BMPR1B: variants seen among roughly 807,000 people sequenced by gnomAD.
The protein encoded by BMPR1B is bone morphogenetic protein receptor type 1B.
Under a neutral mutation model 59.1 loss-of-function variants are expected in BMPR1B, and 12 were observed. The ratio of observed to expected loss-of-function variants is 0.20; its 90% confidence interval spans 0.13 to 0.33. BMPR1B has a LOEUF of 0.33. Ranked by LOEUF, BMPR1B falls within the 10% of genes least tolerant of loss-of-function variation. The pLI is 1.00. For synonymous variants in BMPR1B, 237 were observed against 207.3 expected, an observed-to-expected ratio of 1.14 and a Z score of -1.23; for missense variants, 550 against 610.9, an observed-to-expected ratio of 0.90 and a Z score of 1.05.
intron 3 of BMPR1B, among the ~76,000 whole-genome samples, chr4:95,081,513 A>G (rs540479243): frequency 6.6e-6 from 1 of 152,298 alleles, no homozygotes; most frequent in Non-Finnish European, 1.5e-5. Context: ...TGAAGCTTTT[A>G]TCCACATAAC....
intron 3 of BMPR1B, among the ~76,000 whole-genome samples, chr4:95,034,119 T>C (rs1010693898): frequency 1.3e-5 from 2 of 152,140 alleles, no homozygotes; most frequent in Non-Finnish European, 2.9e-5. Flanking sequence ...GGAGAATCAG[T>C]TAGAAGAGAC....
intron 3 of BMPR1B, among the ~76,000 whole-genome samples, chr4:95,036,128 A>AT (rs1725224544): frequency 6.6e-6 from 1 of 151,982 alleles, no homozygotes; most frequent in Non-Finnish European, 1.5e-5. Context: ...GTGTTCATTG[A>AT]TTTTGGGGAT....
intron 3 of BMPR1B, among the ~76,000 whole-genome samples, chr4:95,047,974 C>A (rs1377361815): frequency 6.6e-6 from 1 of 152,030 alleles, no homozygotes; most frequent in African/African-American, 2.4e-5. Flanking sequence ...CCAGTAGGCC[C>A]CAGTGTCTGT....
intron 2 of BMPR1B, among the ~76,000 whole-genome samples, chr4:94,936,172 G>C (rs1162444695): frequency 1.3e-5 from 2 of 152,136 alleles, no homozygotes; most frequent in African/African-American, 4.8e-5. Context: ...TCTAAATCAA[G>C]TTGAATTTGC....
In BMPR1B at chr4:95,051,740, T is replaced by G. The variant is rs983605701; in HGVS notation, c.-17-52668T>G. The G allele has an allele frequency of 9.1e-6, 14 of 1,535,526 alleles. No homozygotes were observed. The Middle Eastern group carries it at 1.0e-3, about 109-fold the overall frequency. ...GAACTAAACTGGCAGCTTCACATTT[T>G]CTTGCTCATTCTTCTCTCTATGCAC... is the stretch of plus-strand genomic sequence containing the variant. On this transcript the variant is annotated intron_variant, in intron 3 of 12. Coordinates refer to ENST00000515059, the MANE Select transcript of BMPR1B (RefSeq NM_001203.3).
intron 1 of BMPR1B, among the ~76,000 whole-genome samples, chr4:94,796,575 G>A (rs985283082): frequency 2.6e-5 from 4 of 152,046 alleles, no homozygotes; most frequent in Admixed American, 2.6e-4. Flanking sequence ...TCAGGATCAG[G>A]ACTGAATGAA....
At chr4:94,799,852 G>A (rs891287461) in intron 1 of BMPR1B, among the ~76,000 whole-genome samples, 78 of 151,238 alleles carry the variant, frequency 5.2e-4, no homozygotes, top group African/African-American at 1.7e-3. Context: ...CATCACACTC[G>A]GCTAATTTTT....
At chr4:94,784,338 AATATT>A (rs1722688731) in intron 1 of BMPR1B, among the ~76,000 whole-genome samples, 1 of 152,048 alleles carries the variant, frequency 6.6e-6, no homozygotes, top group South Asian at 2.1e-4. Context: ...GAACTTGTAT[AATATT>A]AGGTTTTGTT....
intron 1 of BMPR1B, among the ~76,000 whole-genome samples, chr4:94,810,800 C>T (rs1312010860): frequency 6.6e-6 from 1 of 152,248 alleles, no homozygotes; most frequent in South Asian, 2.1e-4. Flanking sequence ...TGAGTGGCTA[C>T]CTCAGTGTCA....
intron 2 of BMPR1B, among the ~76,000 whole-genome samples, chr4:94,890,419 A>G (rs1478914988): frequency 6.6e-6 from 1 of 152,078 alleles, no homozygotes; most frequent in Non-Finnish European, 1.5e-5. Flanking sequence ...AAGAATTGAT[A>G]TTTATTTACT....
chr4:95,142,018 A>AT (rs1348006220), intron 10 of BMPR1B, among the ~76,000 whole-genome samples: 4 of 152,328 alleles, frequency 2.6e-5, no homozygotes, highest in African/African-American at 9.6e-5. Flanking sequence ...AACTAAGCTC[A>AT]TTCGTGGCAT....
At chr4:95,074,043 T>C (rs1728522217) in intron 3 of BMPR1B, among the ~76,000 whole-genome samples, 1 of 152,106 alleles carries the variant, frequency 6.6e-6, no homozygotes, top group Admixed American at 6.6e-5. Context: ...AATATAGACA[T>C]ACTTGATTAT....
chr4:95,131,914 A>G (rs1018935483), intron 10 of BMPR1B, among the ~76,000 whole-genome samples: 1 of 152,218 alleles, frequency 6.6e-6, no homozygotes, highest in African/African-American at 2.4e-5. Flanking sequence ...ATGTTTTGGG[A>G]GAAATGTTAG....
chr4:95,126,534 CT>C (rs1331901480), intron 8 of BMPR1B, among the ~76,000 whole-genome samples: 1 of 152,140 alleles, frequency 6.6e-6, no homozygotes, highest in Non-Finnish European at 1.5e-5. Context: ...CAGTATAACC[CT>C]GTATTACACA....
chr4:94,889,286 GTAA>G (rs1727299205), intron 2 of BMPR1B, among the ~76,000 whole-genome samples: 1 of 151,860 alleles, frequency 6.6e-6, no homozygotes, highest in Non-Finnish European at 1.5e-5. Context: ...ATTTTTTCCA[GTAA>G]TAATACTGCA....
At chr4:95,110,224 G>A (rs958983192) in intron 4 of BMPR1B, among the ~76,000 whole-genome samples, 3 of 151,962 alleles carry the variant, frequency 2.0e-5, no homozygotes, top group Non-Finnish European at 2.9e-5. Context: ...CCTGCAGGAA[G>A]GCTCTCAGAG....
chr4:94,953,303 A>G (rs1389231507), intron 2 of BMPR1B, among the ~76,000 whole-genome samples: 1 of 152,216 alleles, frequency 6.6e-6, no homozygotes, highest in Admixed American at 6.5e-5. Context: ...TCCTGTCATT[A>G]TGAGGCTAAC....
chr4:95,146,430 C>A (rs11722018), intron 10 of BMPR1B, among the ~76,000 whole-genome samples: 1 of 152,108 alleles, frequency 6.6e-6, no homozygotes, highest in South Asian at 2.1e-4. Context: ...TAATAGATAT[C>A]TCTACATCAC....
intron 3 of BMPR1B, among the ~76,000 whole-genome samples, chr4:95,101,687 TTA>T (rs1730830982): frequency 6.6e-6 from 1 of 152,174 alleles, no homozygotes; most frequent in Non-Finnish European, 1.5e-5. Flanking sequence ...TTTCATTAGA[TTA>T]TTCAAAATTT....
Sources: gnomAD v4.1 joint callset for allele counts (sites outside exome capture counted in the v4.1 genomes callset) on GRCh38, gnomAD v4.1.1 for gene constraint, MANE v1.5 for transcripts, NCBI Gene and HGNC (gene_info 2026-07-23, HGNC 2026-07-21) for gene names.